The following XNDC1N variants were observed in gnomAD, a reference collection of about 807,000 sequenced individuals.
XNDC1N encodes the protein XRCC1 N-terminal domain containing 1, N-terminal like.
the XNDC1N span, among the ~76,000 whole-genome samples, chr11:71,880,881 A>T: frequency 6.6e-6 from 1 of 152,244 alleles, no homozygotes; most frequent in Admixed American, 6.5e-5. Context: ...AATATACTTG[A>T]TATAATGTTG....
the XNDC1N span, chr11:71,914,417 T>C: frequency 4.4e-6 from 2 of 455,680 alleles, no homozygotes; most frequent in African/African-American, 4.0e-5. Context: ...CCAGGCATGG[T>C]GGCTCATGCC....
the XNDC1N span, chr11:71,917,451 C>T: frequency 3.1e-6 from 2 of 647,068 alleles, no homozygotes; most frequent in Non-Finnish European, 5.6e-6. Flanking sequence ...AAATCTCACA[C>T]ACAAGCACAC....
chr11:71,887,332 T>A, the XNDC1N span, among the ~76,000 whole-genome samples: 1 of 152,246 alleles, frequency 6.6e-6, no homozygotes, highest in Non-Finnish European at 1.5e-5. Flanking sequence ...CATGCCTGAC[T>A]GTCCCTTGAC....
chr11:71,903,466 C>A, the XNDC1N span: 1 of 832,520 alleles, frequency 1.2e-6, no homozygotes, highest in Non-Finnish European at 2.1e-6. Context: ...AGAGTCATCT[C>A]CTATGCAGGC....
the XNDC1N span, among the ~76,000 whole-genome samples, chr11:71,896,691 G>T: frequency 6.6e-6 from 1 of 152,348 alleles, no homozygotes; most frequent in Non-Finnish European, 1.5e-5. Flanking sequence ...CACCTCCCGA[G>T]TAGCTGGGAT....
chr11:71,890,404 A>C, the XNDC1N span, among the ~76,000 whole-genome samples: 1 of 152,128 alleles, frequency 6.6e-6, no homozygotes, highest in East Asian at 1.9e-4. Context: ...AGATATTGGG[A>C]GTGATATCAT....
At chr11:71,892,879 C>T in the XNDC1N span, among the ~76,000 whole-genome samples, 7 of 152,040 alleles carry the variant, frequency 4.6e-5, no homozygotes, top group African/African-American at 9.7e-5. Flanking sequence ...TGTGCATGTA[C>T]TTTTATGAAG....
At chr11:71,916,543 T>C in the XNDC1N span, 5 of 298,992 alleles carry the variant, frequency 1.7e-5, no homozygotes, top group Non-Finnish European at 3.2e-5. Context: ...ACCTCATCAA[T>C]ATCTCATTTT....
the XNDC1N span, among the ~76,000 whole-genome samples, chr11:71,922,292 TTTTG>T: frequency 1.4e-3 from 206 of 152,148 alleles, no homozygotes; most frequent in African/African-American, 2.8e-3. Flanking sequence ...CTAAGGGTTT[TTTTG>T]TTTGTTTGTT....
At chr11:71,902,763 A>C in the XNDC1N span, among the ~76,000 whole-genome samples, 9 of 152,250 alleles carry the variant, frequency 5.9e-5, no homozygotes, top group African/African-American at 2.2e-4. Context: ...AATTTGTATC[A>C]ATCTCGTAGA....
chr11:71,895,896 G>T, the XNDC1N span, among the ~76,000 whole-genome samples: 1 of 152,178 alleles, frequency 6.6e-6, no homozygotes, highest in Non-Finnish European at 1.5e-5. Flanking sequence ...AGACAAAATG[G>T]ATGAGACTGC....
At chr11:71,896,210 C>T in the XNDC1N span, among the ~76,000 whole-genome samples, 4,913 of 152,240 alleles carry the variant, frequency 0.032, 218 homozygotes, top group African/African-American at 0.1. Flanking sequence ...ACTCAGGAGG[C>T]GGAGCTTGCA....
chr11:71,874,867 A>C, the XNDC1N span, among the ~76,000 whole-genome samples: 1 of 152,076 alleles, frequency 6.6e-6, no homozygotes, highest in African/African-American at 2.4e-5. Context: ...TTGCTAGTTG[A>C]ACAAAGTTAT....
the XNDC1N span, among the ~76,000 whole-genome samples, chr11:71,870,534 C>G: frequency 1.3e-5 from 2 of 152,104 alleles, no homozygotes; most frequent in Non-Finnish European, 2.9e-5. Context: ...CAAAAATAGA[C>G]AAATTTCATT....
the XNDC1N span, among the ~76,000 whole-genome samples, chr11:71,888,460 A>G: frequency 6.6e-6 from 1 of 152,166 alleles, no homozygotes; most frequent in Non-Finnish European, 1.5e-5. Flanking sequence ...CAAGGCTTTC[A>G]TGAGTTAAAG....
the XNDC1N span, chr11:71,923,560 G>GTTTTTTT: frequency 1.4e-5 from 6 of 436,390 alleles, no homozygotes; most frequent in Non-Finnish European, 2.5e-5. Flanking sequence ...TTTCTGTTTT[G>GTTTTTTT]TTTTTTTTTT....
chr11:71,901,007 T>A, the XNDC1N span, among the ~76,000 whole-genome samples: 4 of 152,190 alleles, frequency 2.6e-5, no homozygotes, highest in African/African-American at 9.7e-5. Flanking sequence ...CTGCTCACTA[T>A]GCCCTTCCCT....
the XNDC1N span, among the ~76,000 whole-genome samples, chr11:71,909,659 C>G: frequency 6.6e-6 from 1 of 152,170 alleles, no homozygotes; most frequent in Non-Finnish European, 1.5e-5. Flanking sequence ...GCCCTTGTTG[C>G]CCCCTTATCC....
chr11:71,907,282 C>T, the XNDC1N span, among the ~76,000 whole-genome samples: 2 of 152,006 alleles, frequency 1.3e-5, no homozygotes, highest in African/African-American at 2.4e-5. Context: ...AAACATAATA[C>T]GAGAAACGGA....
Sources: allele counts gnomAD v4.1 joint callset (sites outside exome capture counted in the v4.1 genomes callset), GRCh38; gene constraint gnomAD v4.1.1; transcripts MANE v1.5; gene names NCBI Gene and HGNC (gene_info 2026-07-23, HGNC 2026-07-21).